The following KANSL1 variants were observed in gnomAD, a reference collection of about 807,000 sequenced individuals.
The protein encoded by KANSL1 is MLL1/MLL complex subunit KANSL1.
KANSL1 carries 22 observed loss-of-function variants against 103.6 expected under a neutral mutation model. The ratio of observed to expected loss-of-function variants is 0.21; its 90% confidence interval spans 0.15 to 0.30. The LOEUF (loss-of-function observed/expected upper bound fraction) is 0.30. Ranked by LOEUF, KANSL1 falls within the 10% of genes least tolerant of loss-of-function variation. The pLI, the probability that KANSL1 is intolerant of heterozygous loss-of-function variation, is 1.00. For missense variants in KANSL1, 1,337 were observed against 1,399.8 expected (o/e 0.96, Z 0.72); for synonymous variants, 600 against 527.6 (o/e 1.14, Z -1.88).
At chr17:46,063,912 T>A (rs982867271) in intron 6 of KANSL1, among the ~76,000 whole-genome samples, 113 of 110,374 alleles carry the variant, frequency 1.0e-3, no homozygotes, top group African/African-American at 2.6e-3. Context: ...TTTTTTTTTT[T>A]AAAATGTAAA....
At chr17:46,197,567 C>G (rs56235542), upstream of KANSL1, among the ~76,000 whole-genome samples, 17,204 of 150,122 alleles carry the variant, frequency 0.11, no homozygotes, top group Non-Finnish European at 0.17. Context: ...CACTTGAGCC[C>G]GGAAGGCAGA....
intron 2 of KANSL1, among the ~76,000 whole-genome samples, chr17:46,124,110 C>A (rs180672523): frequency 6.6e-6 from 1 of 152,276 alleles, no homozygotes; most frequent in Admixed American, 6.5e-5. Context: ...AAGAATTACA[C>A]TACATCAGCC....
At chr17:46,165,824 T>C (rs1323066863) in intron 2 of KANSL1, among the ~76,000 whole-genome samples, 2 of 151,986 alleles carry the variant, frequency 1.3e-5, no homozygotes, top group Non-Finnish European at 2.9e-5. Flanking sequence ...AGCAACAATA[T>C]AGAACATTCC....
intron 4 of KANSL1, among the ~76,000 whole-genome samples, chr17:46,072,757 T>C (rs1197995955): frequency 6.6e-6 from 1 of 152,232 alleles, no homozygotes; most frequent in African/African-American, 2.4e-5. Flanking sequence ...TTCCGGCTTC[T>C]GCAGGTTGAG....
chr17:46,180,406 G>C (rs187285341), intron 1 of KANSL1, among the ~76,000 whole-genome samples: 1 of 152,154 alleles, frequency 6.6e-6, no homozygotes, highest in African/African-American at 2.4e-5. Flanking sequence ...GCTGTGGTAG[G>C]AGAATCGCTG....
chr17:46,196,522 G>A, upstream of KANSL1: 1 of 436,060 alleles, frequency 2.3e-6, no homozygotes, highest in Non-Finnish European at 4.6e-6. Context: ...TTTGCAGCAA[G>A]CCTGAAGATG....
At chr17:46,170,684 C>T (rs2046236989) in intron 2 of KANSL1, 171 bp downstream of exon 2, 2 of 711,608 alleles carry the variant, frequency 2.8e-6, no homozygotes, top group Non-Finnish European at 4.5e-6. Flanking sequence ...AAGTATCTTC[C>T]CCTTCTTCAC....
At position 46,039,151 on chromosome 17, in the gene KANSL1, G is replaced by A. The variant is rs530885936; in HGVS notation, c.2268C>T (p.Ala756=). 14 of 1,612,094 alleles carry A rather than the reference G, an allele frequency of 8.7e-6. No homozygotes were observed. Among genetic ancestry groups the A allele is most frequent in the Middle Eastern group, 1.8e-4 (1 of 5,662 alleles). Residue 756 remains alanine (A), a synonymous_variant, in exon 9 of 15, where the codon GCC becomes GCT. Transcript: ENST00000432791. Reference sequence around the variant, plus strand: ...CTGTCACTCGCTCCACCATGGGCACGGCCCCCACATCGTCTAAGTGCTGCC... The same window carrying A: ...CTGTCACTCGCTCCACCATGGGCACAGCCCCCACATCGTCTAAGTGCTGCC... ...THRQHLDDVG[A]VPMVERVTAP...
rs761416645 is a variant in KANSL1 at position 46,172,044 on chromosome 17, C to T, written c.100G>A (p.Ala34Thr). Reference protein sequence around the residue: ...PPSSTLSPGSAENNGNANILI... With the variant: ...PPSSTLSPGSTENNGNANILI... ...ATGTTGGCGTTGCCGTTATTTTCGG[C>T]ACTGCCAGGGGACAAGGTAGAGGAT... The change falls in exon 2 of 15, where the codon GCC (alanine) becomes ACC (threonine). Residue 34 changes from alanine (A) to threonine (T), a missense_variant. Physicochemically the swap from Ala to Thr is moderately conservative, Grantham distance 58. Coordinates refer to ENST00000432791, the MANE Select transcript of KANSL1 (RefSeq NM_015443.4). 26 of 1,614,094 alleles carry T rather than the reference C, an allele frequency of 1.6e-5. No homozygotes were observed. The East Asian group carries it at 5.6e-4, about 35-fold the overall frequency.
chr17:46,155,310 A>T (rs1445316968), intron 2 of KANSL1, among the ~76,000 whole-genome samples: 1 of 152,050 alleles, frequency 6.6e-6, no homozygotes, highest in African/African-American at 2.4e-5. Flanking sequence ...GGCGTGTGCG[A>T]CCATGCCCAG....
At chr17:46,061,503 C>CTA (rs1391030457) in intron 6 of KANSL1, among the ~76,000 whole-genome samples, 1 of 152,074 alleles carries the variant, frequency 6.6e-6, no homozygotes, top group East Asian at 1.9e-4. Flanking sequence ...ATCCACCATA[C>CTA]TAGACCCCTA....
chr17:46,190,949 T>G (rs1215048030), intron 1 of KANSL1, among the ~76,000 whole-genome samples: 1 of 152,226 alleles, frequency 6.6e-6, no homozygotes, highest in Non-Finnish European at 1.5e-5. Flanking sequence ...ATGTAACTGT[T>G]AGCAAAGAAA....
chr17:46,080,475 G>A (rs923401572), intron 4 of KANSL1, among the ~76,000 whole-genome samples: 1 of 151,322 alleles, frequency 6.6e-6, no homozygotes, highest in African/African-American at 2.4e-5. Flanking sequence ...ACTGAGAAAA[G>A]TCACTTTCCT....
intron 6 of KANSL1, among the ~76,000 whole-genome samples, chr17:46,059,317 G>T (rs553378048): frequency 2.6e-5 from 4 of 152,042 alleles, no homozygotes; most frequent in African/African-American, 7.2e-5. Context: ...TAGATCTCAG[G>T]ATATGCTAAG....
chr17:46,033,447 C>T lies in KANSL1; in HGVS notation c.2680G>A (p.Asp894Asn). The change falls in exon 12 of 15, where the codon GAT (aspartate) becomes AAT (asparagine). Residue 894 changes from aspartate (D) to asparagine (N), a missense_variant. Transcript: ENST00000432791. ...GGACTCCCCTTCAGAGACTGAAGAT[C>T]AACCTCCCGCCAGCTGCAAAACCAA... ...EILTPSWREVDLQSLKGSPDE... is the reference protein window; with the variant it reads ...EILTPSWREVNLQSLKGSPDE... 1.2e-6 allele frequency: 2 copies of T among 1,614,188 alleles called. No individual in the cohort carries two copies. The highest frequency in any genetic ancestry group is 1.7e-6 in the Non-Finnish European group (2 of 1,180,028).
chr17:46,065,432 A>G (rs1344081156), intron 6 of KANSL1, among the ~76,000 whole-genome samples: 1 of 152,222 alleles, frequency 6.6e-6, no homozygotes, highest in Non-Finnish European at 1.5e-5. Flanking sequence ...AAGCCAATAA[A>G]TATTTGTTGA....
At chr17:46,211,289 A>G (rs2048162986) in intron 1 of KANSL1, among the ~76,000 whole-genome samples, 1 of 151,986 alleles carries the variant, frequency 6.6e-6, no homozygotes, top group South Asian at 2.1e-4. Context: ...AAAACTGTAA[A>G]TCAAGGGTAC....
chr17:46,089,565 CA>C (rs370478201), intron 3 of KANSL1, among the ~76,000 whole-genome samples: 206 of 126,556 alleles, frequency 1.6e-3, no homozygotes, highest in Middle Eastern at 4.0e-3. Context: ...AGGTTCATCT[CA>C]AAAAAAAAAA....
At chr17:46,052,115 T>C (rs906495623) in intron 6 of KANSL1, among the ~76,000 whole-genome samples, 1 of 151,992 alleles carries the variant, frequency 6.6e-6, no homozygotes, top group Non-Finnish European at 1.5e-5. Context: ...AATGAGTAGG[T>C]AGAGATGAAA....
Sources: allele counts gnomAD v4.1 joint callset (sites outside exome capture counted in the v4.1 genomes callset), GRCh38; gene constraint gnomAD v4.1.1; transcripts MANE v1.5; gene names NCBI Gene and HGNC (gene_info 2026-07-23, HGNC 2026-07-21).